The following NDEL1 variants were observed in gnomAD, a reference collection of about 807,000 sequenced individuals.
The protein encoded by NDEL1 is nudE neurodevelopment protein 1 like 1, also known as nuclear distribution protein nudE-like 1.
A neutral mutation model predicts 45.7 loss-of-function variants in NDEL1; 9 were observed. The observed-to-expected ratio is 0.20, with a 90% CI of 0.12 to 0.34. The LOEUF (loss-of-function observed/expected upper bound fraction) is 0.34. NDEL1 is among the 10% of genes least tolerant of loss of function. NDEL1 has a pLI of 1.00. For synonymous variants in NDEL1, 133 were observed against 158.6 expected, an observed-to-expected ratio of 0.84 and a Z score of 1.21; for missense variants, 306 against 406.2, an observed-to-expected ratio of 0.75 and a Z score of 2.12.
intron 1 of NDEL1, among the ~76,000 whole-genome samples, chr17:8,437,290 G>A (rs1909414767): frequency 6.6e-6 from 1 of 152,134 alleles, no homozygotes. Flanking sequence ...GGCCAGCCCT[G>A]GTTAGAGGTT....
rs1909960682 is a variant in NDEL1 at position 8,444,598 on chromosome 17, A to G, written c.86+241A>G. 7.5e-6 allele frequency: 3 copies of G among 398,382 alleles called. No homozygotes were observed. In the Admixed American group the frequency reaches 1.3e-4, roughly 17 times the overall value. The allele number at this position is 398,382 out of a possible 1,614,324, so 24.7% of individuals were successfully genotyped here. ...AAACTGTCATTTATGATTTCTTCTG[A>G]TTGTTACCTGTTCTATGCTTTTTAG... On this transcript the variant is annotated intron_variant, in intron 2 of 8. Transcript: ENST00000334527.
rs1567745280 is a variant in NDEL1 at position 8,465,475 on chromosome 17, C to T, written c.945-1455C>T. 6.6e-6 allele frequency: 1 copy of T among 152,196 alleles called. No individual in the cohort carries two copies. The highest frequency in any genetic ancestry group is 2.1e-4 in the South Asian group (1 of 4,824). The allele number at this position is 152,196 out of a possible 1,614,324, so 9.4% of individuals were successfully genotyped here. ...TGTATGCGTGGTTGGAATTTAAACT[C>T]CACATATGTACTCTGAGTTTAGTTT... On this transcript the variant is annotated intron_variant, in intron 8 of 8. Transcript: ENST00000334527. The surrounding 1 kb of genome is among the most constrained non-coding windows in gnomAD (Gnocchi z 4.9).
chr17:8,463,163 T>A, intron 8 of NDEL1: 11 of 527,356 alleles, frequency 2.1e-5, no homozygotes, highest in Non-Finnish European at 2.7e-5. Context: ...TTTTTTCCCA[T>A]AACTTTATGT....
In NDEL1 at chr17:8,450,693, A is replaced by G. The variant is rs778698532; in HGVS notation, c.527-87A>G. Reference sequence around the variant, plus strand: ...TGAGAAATAGTAATTTAGGAAGAAGACCTTTATGACATTTTAGATGTCACT... The same window carrying G: ...TGAGAAATAGTAATTTAGGAAGAAGGCCTTTATGACATTTTAGATGTCACT... On this transcript the variant is annotated intron_variant, in intron 5 of 8. Coordinates refer to ENST00000334527, the MANE Select transcript of NDEL1 (RefSeq NM_030808.5). 3.9e-5 allele frequency: 44 copies of G among 1,128,614 alleles called. No individual in the cohort carries two copies. In the Admixed American group the frequency reaches 5.3e-4, roughly 14 times the overall value. The allele number at this position is 1,128,614 out of a possible 1,614,324, so 69.9% of individuals were successfully genotyped here. A position where few individuals can be genotyped will look rare whatever the true frequency, so the allele number is the denominator to read the frequency against.
At chr17:8,448,777 C>A in intron 5 of NDEL1, 91 bp downstream of exon 5, 1 of 1,259,264 alleles carries the variant, frequency 7.9e-7, no homozygotes, top group South Asian at 1.6e-5. Flanking sequence ...TTTTTTTCAA[C>A]CAAATGTGGA....
intron 8 of NDEL1, among the ~76,000 whole-genome samples, chr17:8,463,553 C>G (rs551321842): frequency 6.6e-6 from 1 of 152,174 alleles, no homozygotes; most frequent in Non-Finnish European, 1.5e-5. Context: ...GAAACAAGAA[C>G]AAATTAGTTG....
chr17:8,472,980 G>C (rs928844035), downstream of NDEL1, among the ~76,000 whole-genome samples: 28 of 152,304 alleles, frequency 1.8e-4, no homozygotes, highest in Middle Eastern at 3.4e-3. Context: ...TCTTCCTTGT[G>C]CTCTGAATGC....
rs1427334722 is a variant in NDEL1 at position 8,467,066 on chromosome 17, C to T, written c.*43C>T. 4.4e-6 allele frequency: 7 copies of T among 1,588,752 alleles called. No homozygotes were observed. Among genetic ancestry groups the T allele is most frequent in the Admixed American group, 3.3e-5 (2 of 59,908 alleles). On this transcript the variant is annotated 3_prime_UTR_variant, in exon 9 of 9. Transcript: ENST00000334527. This position sits in a 1 kb window ranked among gnomAD's most constrained non-coding sequence, Gnocchi z 6.3. ...GGGGGCTCCTGCCCTCCTCCAACAACCCAGGACACCCACGCCTCACCCCTC... is the reference window on the plus strand; with the variant it reads ...GGGGGCTCCTGCCCTCCTCCAACAATCCAGGACACCCACGCCTCACCCCTC...
At chr17:8,446,667 C>CT (rs386385587) in intron 3 of NDEL1, 87 bp from the exon 4 acceptor site, 4 of 1,279,268 alleles carry the variant, frequency 3.1e-6, no homozygotes, top group African/African-American at 3.3e-5. Flanking sequence ...TCCTTGGGTT[C>CT]CCCCCCACCC....
chr17:8,414,647 A>C (rs1908502499), intron 1 of NDEL1, among the ~76,000 whole-genome samples: 1 of 152,108 alleles, frequency 6.6e-6, no homozygotes, highest in Admixed American at 6.5e-5. Context: ...AGCCTGGACG[A>C]CAGAGCGAGA....
intron 1 of NDEL1, among the ~76,000 whole-genome samples, chr17:8,418,698 C>T (rs1908630240): frequency 6.7e-6 from 1 of 149,196 alleles, no homozygotes; most frequent in African/African-American, 2.5e-5. Context: ...CTCTCTCTTT[C>T]TCTTTTCTTT....
intron 8 of NDEL1, chr17:8,463,245 A>C: frequency 2.5e-6 from 3 of 1,217,552 alleles, no homozygotes; most frequent in Non-Finnish European, 3.6e-6. Context: ...GTAGGTGGGC[A>C]TGGACTAATT....
intron 6 of NDEL1, among the ~76,000 whole-genome samples, chr17:8,452,363 A>G (rs1910559370): frequency 1.3e-5 from 2 of 152,208 alleles, no homozygotes; most frequent in African/African-American, 4.8e-5. Context: ...ATAGCCCGTT[A>G]GAGTTTTCAT....
chr17:8,472,263 TTTCCTGGGACAGG>T (rs1209739223), downstream of NDEL1, among the ~76,000 whole-genome samples: 2 of 151,744 alleles, frequency 1.3e-5, no homozygotes, highest in African/African-American at 4.8e-5. Flanking sequence ...TTAGCTGAGG[TTTCCTGGGACAGG>T]AAAAATTGGT....
rs1326892916 is a variant in NDEL1 at position 8,460,174 on chromosome 17, G to C, written c.944+14G>C. ...CTTCGACAAAGGGTAAGTCCTGAAT[G>C]TTTTAAGTGATAATTTTTTGAGTAG... is the stretch of plus-strand genomic sequence containing the variant. On this transcript the variant is annotated intron_variant, in intron 8 of 8. Coordinates refer to ENST00000334527, the MANE Select transcript of NDEL1 (RefSeq NM_030808.5). 20 of 1,598,918 alleles carry C rather than the reference G, an allele frequency of 1.3e-5. No individual in the cohort carries two copies. Among genetic ancestry groups the C allele is most frequent in the Non-Finnish European group, 1.7e-5 (20 of 1,173,920 alleles).
At chr17:8,430,390 C>T (rs555906067) in intron 1 of NDEL1, among the ~76,000 whole-genome samples, 2 of 152,358 alleles carry the variant, frequency 1.3e-5, no homozygotes, top group African/African-American at 4.8e-5. Flanking sequence ...TATGCCCCAT[C>T]TCGTCAGAAT....
At chr17:8,472,533 C>T (rs1391072272), downstream of NDEL1, among the ~76,000 whole-genome samples, 1 of 152,070 alleles carries the variant, frequency 6.6e-6, no homozygotes, top group East Asian at 1.9e-4. Context: ...GGCCTGGTGG[C>T]GGGCGCCTGT....
chr17:8,466,924 C>G lies in NDEL1; in HGVS notation c.945-6C>G. The G allele has an allele frequency of 2.5e-6, 4 of 1,614,098 alleles. No individual in the cohort carries two copies. Among genetic ancestry groups the G allele is most frequent in the Non-Finnish European group, 3.4e-6 (4 of 1,179,940 alleles). On this transcript the variant is annotated splice_polypyrimidine_tract_variant and splice_region_variant and intron_variant, in intron 8 of 8. Coordinates refer to ENST00000334527, the MANE Select transcript of NDEL1 (RefSeq NM_030808.5). ...CTTCCCTTCTGTGCTCTGGTTGCTC[C>G]CACAGGGCAGTAAACGGCTTTGACC...
Position 8,460,148 on chromosome 17 carries a change from T to C in NDEL1, c.932T>C (p.Phe311Ser), listed in dbSNP as rs545954594. 1 of 1,612,642 alleles carries C rather than the reference T, an allele frequency of 6.2e-7. No homozygotes were observed. The highest frequency in any genetic ancestry group is 1.3e-5 in the African/African-American group (1 of 74,964). ...TTCTCTCGATCAGGGCATACATCTTTCTTCGACAAAGGGTAAGTCCTGAAT... is the reference window on the plus strand; with the variant it reads ...TTCTCTCGATCAGGGCATACATCTTCCTTCGACAAAGGGTAAGTCCTGAAT... The part of the protein sequence containing the change: ...TKFSRSGHTS[F>S]FDKGAVNGFD... Residue 311 changes from phenylalanine to serine, a missense_variant, in exon 8 of 9, where the codon TTC becomes TCC. Phe to Ser is a radical substitution (Grantham distance 155). Around this residue, in one of 3 missense-constraint regions of NDEL1, gnomAD observed 175 missense variants for 205.2 expected, o/e 0.85. Coordinates refer to ENST00000334527, the MANE Select transcript of NDEL1 (RefSeq NM_030808.5).
Sources: allele counts gnomAD v4.1 joint callset (sites outside exome capture counted in the v4.1 genomes callset), GRCh38; gene constraint gnomAD v4.1.1; regional missense constraint gnomAD v4.1.1; non-coding constraint Gnocchi (gnomAD v3.1); transcripts MANE v1.5; gene names NCBI Gene and HGNC (gene_info 2026-07-23, HGNC 2026-07-21).